DTNBP1: variants seen among roughly 807,000 people sequenced by gnomAD.
DTNBP1 encodes the protein dystrobrevin binding protein 1.
In DTNBP1, 35 loss-of-function variants were observed where a neutral mutation model predicts 42.8. That is an observed-to-expected ratio of 0.82 (90% confidence interval 0.63 to 1.09). DTNBP1 has a LOEUF of 1.09. Among genes scored for constraint, DTNBP1 ranks in the 50% least tolerant of loss-of-function variants. DTNBP1 has a pLI of 0.00. For missense variants in DTNBP1, 457 were observed against 424.2 expected (o/e 1.08, Z -0.68); for synonymous variants, 171 against 162.2 (o/e 1.05, Z -0.41).
intron 5 of DTNBP1, among the ~76,000 whole-genome samples, chr6:15,626,115 T>C (rs149289900): frequency 1.3e-5 from 2 of 152,326 alleles, no homozygotes; most frequent in East Asian, 3.9e-4. Context: ...TACTGCCTCA[T>C]ACTGATATTG....
chr6:15,565,891 G>A (rs1217768361), intron 7 of DTNBP1, among the ~76,000 whole-genome samples: 4 of 152,196 alleles, frequency 2.6e-5, no homozygotes, highest in South Asian at 2.1e-4. Context: ...CATGTAGTTC[G>A]TGTTAGCACT....
chr6:15,591,185 C>T (rs1042403609), intron 7 of DTNBP1, among the ~76,000 whole-genome samples: 1 of 151,438 alleles, frequency 6.6e-6, no homozygotes, highest in Non-Finnish European at 1.5e-5. Context: ...TCTTGGCTCA[C>T]TGCAACCTCC....
At chr6:15,588,741 T>C (rs1776177924) in intron 7 of DTNBP1, among the ~76,000 whole-genome samples, 1 of 152,216 alleles carries the variant, frequency 6.6e-6, no homozygotes, top group African/African-American at 2.4e-5. Flanking sequence ...CTTCAATAAA[T>C]AAGAAATTAA....
At chr6:15,660,438 C>G (rs985079189) in intron 1 of DTNBP1, 1 of 1,289,804 alleles carries the variant, frequency 7.8e-7, no homozygotes, top group Admixed American at 2.3e-5. Context: ...AGACTGACAT[C>G]ACTTGGAGAT....
At chr6:15,600,461 CTA>C (rs1360277122) in intron 6 of DTNBP1, among the ~76,000 whole-genome samples, 1 of 150,996 alleles carries the variant, frequency 6.6e-6, no homozygotes, top group Admixed American at 6.6e-5. Flanking sequence ...AAGGCTACTG[CTA>C]TAGTCACCAT....
chr6:15,615,016 T>C (rs1164542700), intron 6 of DTNBP1: 2 of 584,036 alleles, frequency 3.4e-6, no homozygotes, highest in Non-Finnish European at 3.1e-6. Context: ...TGGAAAACTT[T>C]GCCCTGTGCT....
At chr6:15,631,303 C>T (rs866926050) in intron 4 of DTNBP1, among the ~76,000 whole-genome samples, 48 of 152,234 alleles carry the variant, frequency 3.2e-4, no homozygotes, top group African/African-American at 1.0e-3. Context: ...TTTTGATGAG[C>T]TGTGGGTTTT....
intron 1 of DTNBP1, among the ~76,000 whole-genome samples, chr6:15,661,749 T>A (rs1484076526): frequency 6.6e-6 from 1 of 152,186 alleles, no homozygotes; most frequent in East Asian, 1.9e-4. Flanking sequence ...AGTTGAAAGA[T>A]CCTTTTCAAA....
chr6:15,523,640 T>C (rs761517116), intron 9 of DTNBP1: 1 of 1,287,644 alleles, frequency 7.8e-7, no homozygotes, highest in Non-Finnish European at 1.0e-6. Flanking sequence ...CTTCAGCAGT[T>C]CTCCAATTTT....
At chr6:15,592,445 G>A (rs1331396590) in intron 7 of DTNBP1, among the ~76,000 whole-genome samples, 1 of 152,158 alleles carries the variant, frequency 6.6e-6, no homozygotes, top group Non-Finnish European at 1.5e-5. Flanking sequence ...TTTTTCACTA[G>A]TGTTTCTCCA....
At chr6:15,610,408 C>A (rs181236542) in intron 6 of DTNBP1, among the ~76,000 whole-genome samples, 5 of 152,206 alleles carry the variant, frequency 3.3e-5, no homozygotes, top group South Asian at 2.1e-4. Flanking sequence ...TTCCTGAGAC[C>A]CAATAATATT....
chr6:15,662,993 C>G lies in DTNBP1; in HGVS notation c.-124G>C. ...CCCCGCACTCCCACTACCGGCCCCGCCCCCGGTCTGGTCCTCGCCGCCGCG... is the reference window on the plus strand; with the variant it reads ...CCCCGCACTCCCACTACCGGCCCCGGCCCCGGTCTGGTCCTCGCCGCCGCG... On this transcript the variant is annotated 5_prime_UTR_variant, in exon 1 of 10. Coordinates refer to ENST00000344537, the MANE Select transcript of DTNBP1 (RefSeq NM_032122.5). 3 of 1,386,372 alleles carry G rather than the reference C, an allele frequency of 2.2e-6. No homozygotes were observed. Among genetic ancestry groups the G allele is most frequent in the Non-Finnish European group, 3.0e-6 (3 of 1,004,336 alleles). 85.9% of individuals were successfully genotyped at this position (1,386,372 alleles called of 1,614,324 possible). A position where few individuals can be genotyped will look rare whatever the true frequency, so the allele number is the denominator to read the frequency against.
At chr6:15,638,989 T>C (rs912701230) in intron 3 of DTNBP1, among the ~76,000 whole-genome samples, 3 of 152,116 alleles carry the variant, frequency 2.0e-5, no homozygotes, top group African/African-American at 7.2e-5. Flanking sequence ...TGAGCCACGA[T>C]GCCCAGCCTT....
chr6:15,605,145 T>A lies in DTNBP1; in HGVS notation c.488+10122A>T, dbSNP rs114875076. Among the ~76,000 whole-genome samples the A allele has an allele frequency of 8.5e-3, 1,296 of 152,278 alleles. 27 individuals are homozygous for A. The highest frequency in any genetic ancestry group is 0.029 in the African/African-American group (1,214 of 41,550). Reference sequence around the variant, plus strand: ...AAGCATAAGTACTGAAGGAGATGCATAAGGGATCTAGAAACTTGGAAATAA... The same window carrying A: ...AAGCATAAGTACTGAAGGAGATGCAAAAGGGATCTAGAAACTTGGAAATAA... On this transcript the variant is annotated intron_variant, in intron 6 of 9. Coordinates refer to ENST00000344537, the MANE Select transcript of DTNBP1 (RefSeq NM_032122.5).
Position 15,522,892 on chromosome 6 carries a change from A to AAAAC in DTNBP1, c.*79_*82dup, listed in dbSNP as rs1187964430. The AAAAC allele has an allele frequency of 1.9e-6, 3 of 1,612,240 alleles. No individual in the cohort carries two copies. The highest frequency in any genetic ancestry group is 1.3e-5 in the African/African-American group (1 of 74,916). On this transcript the variant is annotated 3_prime_UTR_variant, in exon 10 of 10. Transcript: ENST00000344537. The stretch of plus-strand genomic sequence containing the variant: ...TTATGTAAAAATCAAGAACCTCTAT[A>AAAAC]AAACAACCTGGCTTTCCAGGTGGAA...
At chr6:15,552,477 T>G (rs1473422793) in intron 7 of DTNBP1, among the ~76,000 whole-genome samples, 3 of 152,198 alleles carry the variant, frequency 2.0e-5, no homozygotes, top group African/African-American at 7.2e-5. Flanking sequence ...CAGGATTCCC[T>G]TACATGTACC....
At chr6:15,591,120 T>G (rs1437570300) in intron 7 of DTNBP1, among the ~76,000 whole-genome samples, 2 of 151,754 alleles carry the variant, frequency 1.3e-5, no homozygotes, top group Non-Finnish European at 2.9e-5. Context: ...CTTTTTTTTT[T>G]TTTTTTGAGA....
In DTNBP1 at chr6:15,552,756, G is replaced by A. The variant is rs149159671; in HGVS notation, c.512-19361C>T. Among the ~76,000 whole-genome samples, 400 of 152,286 alleles carry A rather than the reference G, an allele frequency of 2.6e-3. 4 individuals carry two copies. The highest frequency in any genetic ancestry group is 9.5e-3 in the African/African-American group (393 of 41,560). On this transcript the variant is annotated intron_variant, in intron 7 of 9. Transcript: ENST00000344537. ...GTTTTGAAAACTGTGATGTGATAATGTCCTTTTCATGAACTCTCCTGATAA... is the reference window on the plus strand; with the variant it reads ...GTTTTGAAAACTGTGATGTGATAATATCCTTTTCATGAACTCTCCTGATAA...
intron 7 of DTNBP1, among the ~76,000 whole-genome samples, chr6:15,582,483 TATTA>T (rs1380953699): frequency 1.3e-5 from 2 of 152,208 alleles, no homozygotes; most frequent in Non-Finnish European, 2.9e-5. Context: ...TTCACTAATT[TATTA>T]GAGTTTTAAT....
Sources: gnomAD v4.1 joint callset for allele counts (sites outside exome capture counted in the v4.1 genomes callset) on GRCh38, gnomAD v4.1.1 for gene constraint, MANE v1.5 for transcripts, NCBI Gene and HGNC (gene_info 2026-07-23, HGNC 2026-07-21) for gene names.